Variants in CAPZA2 observed in about 807,000 individuals in gnomAD.
The protein encoded by CAPZA2 is F-actin-capping protein subunit alpha-2.
A neutral mutation model predicts 44.0 loss-of-function variants in CAPZA2; 13 were observed. The observed-to-expected ratio is 0.30, with a 90% CI of 0.19 to 0.47. The LOEUF (loss-of-function observed/expected upper bound fraction) is 0.47. CAPZA2 is among the 20% of genes least tolerant of loss of function. CAPZA2 has a pLI of 1.00. For missense variants in CAPZA2, 244 were observed against 338.6 expected (o/e 0.72, Z 2.19); for synonymous variants, 94 against 108.2 (o/e 0.87, Z 0.81).
intron 2 of CAPZA2, among the ~76,000 whole-genome samples, chr7:116,892,661 A>G (rs953821359): frequency 3.6e-4 from 55 of 151,870 alleles, no homozygotes; most frequent in African/African-American, 1.3e-3. Flanking sequence ...AAAACTCACG[A>G]TGTTTTAGAG....
At chr7:116,880,230 T>A in intron 1 of CAPZA2, 1 of 363,344 alleles carries the variant, frequency 2.8e-6, no homozygotes. Context: ...TAGAACAGTT[T>A]ATTTTTGAGT....
chr7:116,903,833 GGAACTGGAGTCT>G (rs1797026185), intron 4 of CAPZA2, among the ~76,000 whole-genome samples: 1 of 152,144 alleles, frequency 6.6e-6, no homozygotes, highest in Non-Finnish European at 1.5e-5. Context: ...GTAGTTTTGA[GGAACTGGAGTCT>G]GATACCAGAC....
At chr7:116,911,649 G>A (rs1201349507) in intron 7 of CAPZA2, among the ~76,000 whole-genome samples, 1 of 152,158 alleles carries the variant, frequency 6.6e-6, no homozygotes, top group Non-Finnish European at 1.5e-5. Flanking sequence ...ACCTTATGTA[G>A]CAGCAGTGTT....
At chr7:116,891,808 G>T (rs1176194707) in intron 2 of CAPZA2, among the ~76,000 whole-genome samples, 1 of 152,274 alleles carries the variant, frequency 6.6e-6, no homozygotes, top group African/African-American at 2.4e-5. Flanking sequence ...ACCACACCCG[G>T]CCAGGATATT....
chr7:116,871,020 A>T (rs948869808), intron 1 of CAPZA2, among the ~76,000 whole-genome samples: 2 of 152,194 alleles, frequency 1.3e-5, no homozygotes, highest in Non-Finnish European at 2.9e-5. Flanking sequence ...GGAGATAGAG[A>T]AACAGCTTGG....
At chr7:116,862,704 C>T in intron 1 of CAPZA2, 54 bp downstream of exon 1, 1 of 1,493,674 alleles carries the variant, frequency 6.7e-7, no homozygotes. Context: ...TCAGCCCGGG[C>T]GGGTGGGCCC....
At chr7:116,913,229 C>G (rs1791620445) in intron 8 of CAPZA2, among the ~76,000 whole-genome samples, 3 of 152,030 alleles carry the variant, frequency 2.0e-5, no homozygotes, top group Non-Finnish European at 2.9e-5. Context: ...TCTGTGTTGT[C>G]TTTTCACTTT....
At chr7:116,888,997 C>T (rs1796799213) in intron 2 of CAPZA2, among the ~76,000 whole-genome samples, 1 of 152,154 alleles carries the variant, frequency 6.6e-6, no homozygotes, top group Non-Finnish European at 1.5e-5. Flanking sequence ...AGCATGATAG[C>T]ACATGTAAAA....
rs1238066713 is a variant in CAPZA2, at chr7:116,921,232, A to G, written c.*3365A>G. ...AACCCCATCTCTACTAAAAATACAA[A>G]AATTAGCTGGGCGTGGTGGTGTGCC... is the stretch of plus-strand genomic sequence containing the variant. On this transcript the variant is annotated 3_prime_UTR_variant, in exon 10 of 10. Coordinates refer to ENST00000361183, the MANE Select transcript of CAPZA2 (RefSeq NM_006136.3). 6.6e-6 allele frequency: 1 copy of G among 152,332 alleles called. No individual in the cohort carries two copies. The highest frequency in any genetic ancestry group is 1.5e-5 in the Non-Finnish European group (1 of 68,220). 9.4% of individuals were successfully genotyped at this position (152,332 alleles called of 1,614,324 possible).
chr7:116,906,724 TGACTCTGAAGTAGAG>T (rs1483566503), intron 6 of CAPZA2: 1 of 165,144 alleles, frequency 6.1e-6, no homozygotes, highest in Non-Finnish European at 1.3e-5. Flanking sequence ...GTGAACTTTG[TGACTCTGAAGTAGAG>T]GATTGCTTTG....
At chr7:116,881,862 A>C (rs892946191) in intron 1 of CAPZA2, among the ~76,000 whole-genome samples, 2 of 151,834 alleles carry the variant, frequency 1.3e-5, no homozygotes, top group Admixed American at 6.6e-5. Context: ...GTCTTGCTTA[A>C]TTTGGAACAG....
intron 5 of CAPZA2, 41 bp from the exon 6 acceptor site, chr7:116,906,222 G>A (rs762665228): frequency 4.4e-6 from 7 of 1,598,506 alleles, no homozygotes; most frequent in Non-Finnish European, 5.1e-6. Flanking sequence ...ACATTCCATG[G>A]CCCTAAATTC....
intron 1 of CAPZA2, among the ~76,000 whole-genome samples, chr7:116,887,547 A>G (rs986734940): frequency 6.8e-6 from 1 of 147,690 alleles, no homozygotes; most frequent in Non-Finnish European, 1.5e-5. Flanking sequence ...ATGAAATAAA[A>G]TAGGCCAGAT....
chr7:116,893,412 A>C (rs1796877292), intron 3 of CAPZA2, among the ~76,000 whole-genome samples: 1 of 152,214 alleles, frequency 6.6e-6, no homozygotes, highest in Non-Finnish European at 1.5e-5. Context: ...TACAGGCGTG[A>C]GCCACCACAT....
chr7:116,878,854 G>C (rs555211365), intron 1 of CAPZA2, among the ~76,000 whole-genome samples: 1 of 152,070 alleles, frequency 6.6e-6, no homozygotes, highest in East Asian at 1.9e-4. Context: ...TTGGCCAGGC[G>C]TGGTGGCTCA....
chr7:116,916,099 G>A lies in CAPZA2; in HGVS notation c.697G>A (p.Glu233Lys). The change falls in exon 9 of 10, where the codon GAA becomes AAA. Residue 233 changes from glutamate (E) to lysine (K), a missense_variant. By Grantham distance (56) the Glu-to-Lys change is moderately conservative. Transcript: ENST00000361183. ...QTAKEFIKIV[E>K]AAENEYQTAI... ...AGCAAAAGAATTTATAAAGATTGTA[G>A]AAGCTGCAGAAAATGAATACCAGGT... The A allele has an allele frequency of 6.6e-7, 1 of 1,520,178 alleles. No individual in the cohort carries two copies. The highest frequency in any genetic ancestry group is 8.8e-7 in the Non-Finnish European group (1 of 1,136,244). The allele number at this position is 1,520,178 out of a possible 1,614,324, so 94.2% of individuals were successfully genotyped here.
chr7:116,910,761 T>G (rs968628081), intron 7 of CAPZA2, among the ~76,000 whole-genome samples: 1 of 152,094 alleles, frequency 6.6e-6, no homozygotes, highest in African/African-American at 2.4e-5. Flanking sequence ...ATCCCAACAC[T>G]TTGGGAGGCC....
chr7:116,896,918 G>A (rs1254264295), intron 3 of CAPZA2, among the ~76,000 whole-genome samples: 1 of 152,066 alleles, frequency 6.6e-6, no homozygotes, highest in African/African-American at 2.4e-5. Flanking sequence ...ACTGGTTAAT[G>A]ATATGGTTGA....
rs1796430919 is a variant in CAPZA2, at chr7:116,862,596, T to G, written c.-16T>G. The G allele has an allele frequency of 6.5e-7, 1 of 1,536,574 alleles. No homozygotes were observed. Among genetic ancestry groups the G allele is most frequent in the African/African-American group, 1.4e-5 (1 of 70,854 alleles). ...CGCTGCCGCCGCCGCCGCCGCGGTT[T>G]GTCGCCAGAAGGAAGATGGCGGATC... On this transcript the variant is annotated 5_prime_UTR_variant, in exon 1 of 10. Transcript: ENST00000361183.
Sources: gnomAD v4.1 joint callset for allele counts (sites outside exome capture counted in the v4.1 genomes callset) on GRCh38, gnomAD v4.1.1 for gene constraint, MANE v1.5 for transcripts, NCBI Gene and HGNC (gene_info 2026-07-23, HGNC 2026-07-21) for gene names.